The following PDE4D variants were observed in gnomAD, a reference collection of about 807,000 sequenced individuals.
PDE4D encodes phosphodiesterase 4D, also known as 3',5'-cyclic-AMP phosphodiesterase 4D.
In PDE4D, 24 loss-of-function variants were observed where a neutral mutation model predicts 87.4. The ratio of observed to expected loss-of-function variants is 0.27; its 90% confidence interval spans 0.20 to 0.39. PDE4D has a LOEUF of 0.39. PDE4D is among the 10% of genes least tolerant of loss of function. The probability of loss-of-function intolerance (pLI) is 1.00; values close to 1 mark genes in which losing one functional copy is unlikely to be tolerated. For synonymous variants in PDE4D, 384 were observed against 383.2 expected (o/e 1.00, Z -0.02); for missense variants, 714 against 1,041.0 (o/e 0.69, Z 4.32).
chr5:60,041,553 G>A (rs549646691), intron 2 of PDE4D, among the ~76,000 whole-genome samples: 3 of 152,292 alleles, frequency 2.0e-5, no homozygotes, highest in Non-Finnish European at 4.4e-5. Context: ...AGCTCCCAGC[G>A]AGACCAATGC....
At chr5:59,622,328 G>A (rs998671547) in intron 1 of PDE4D, among the ~76,000 whole-genome samples, 1 of 152,122 alleles carries the variant, frequency 6.6e-6, no homozygotes, top group Non-Finnish European at 1.5e-5. Context: ...AATTTAAAAG[G>A]TCTTAATTCT....
intron 5 of PDE4D, among the ~76,000 whole-genome samples, chr5:59,177,443 A>G (rs887934305): frequency 6.6e-6 from 1 of 152,164 alleles, no homozygotes; most frequent in Admixed American, 6.5e-5. Flanking sequence ...ATTTAAAAAG[A>G]TGTATTAAGT....
intron 3 of PDE4D, among the ~76,000 whole-genome samples, chr5:59,932,094 G>C (rs1055776544): frequency 2.6e-5 from 4 of 152,164 alleles, no homozygotes; most frequent in African/African-American, 7.2e-5. Flanking sequence ...ACTCTAAACA[G>C]CATTAAAAGG....
At chr5:59,811,393 A>C (rs1253160019) in intron 1 of PDE4D, among the ~76,000 whole-genome samples, 1 of 152,162 alleles carries the variant, frequency 6.6e-6, no homozygotes, top group Non-Finnish European at 1.5e-5. Flanking sequence ...TCTGCCACAG[A>C]TTTATTCTTT....
intron 1 of PDE4D, among the ~76,000 whole-genome samples, chr5:59,462,723 C>T (rs776064572): frequency 6.6e-6 from 1 of 152,064 alleles, no homozygotes; most frequent in Non-Finnish European, 1.5e-5. Flanking sequence ...ATCAAAGATA[C>T]GTCTTAGGAT....
At chr5:59,118,109 A>C (rs560684819) in intron 5 of PDE4D, among the ~76,000 whole-genome samples, 1 of 152,260 alleles carries the variant, frequency 6.6e-6, no homozygotes, top group South Asian at 2.1e-4. Context: ...GTGTGGTAAA[A>C]AGAGATCCTT....
chr5:60,486,838 G>C (rs1261845928), intron 1 of PDE4D, among the ~76,000 whole-genome samples: 1 of 152,044 alleles, frequency 6.6e-6, no homozygotes, highest in Admixed American at 6.6e-5. Context: ...GTCTAAAGAG[G>C]AAAAATTAGA....
chr5:59,320,955 G>T (rs1774619546), intron 1 of PDE4D, among the ~76,000 whole-genome samples: 1 of 152,012 alleles, frequency 6.6e-6, no homozygotes, highest in African/African-American at 2.4e-5. Flanking sequence ...TGATAAATTT[G>T]TTTATAGAAA....
At chr5:59,645,846 C>G (rs913984426) in intron 1 of PDE4D, among the ~76,000 whole-genome samples, 1 of 152,152 alleles carries the variant, frequency 6.6e-6, no homozygotes, top group Non-Finnish European at 1.5e-5. Flanking sequence ...TATGAAATCA[C>G]CCCCAAAAAT....
intron 1 of PDE4D, among the ~76,000 whole-genome samples, chr5:59,406,525 G>C (rs1791700159): frequency 6.6e-6 from 1 of 151,526 alleles, no homozygotes; most frequent in South Asian, 2.1e-4. Context: ...TGAGTAGCTG[G>C]GATTACAGGC....
intron 3 of PDE4D, among the ~76,000 whole-genome samples, chr5:59,187,157 T>C (rs754224611): frequency 5.9e-5 from 9 of 152,160 alleles, no homozygotes; most frequent in Non-Finnish European, 1.3e-4. Context: ...TCTATGATCA[T>C]TTGAAGGGAA....
At chr5:59,670,280 T>A (rs1232502121) in intron 1 of PDE4D, among the ~76,000 whole-genome samples, 1 of 152,214 alleles carries the variant, frequency 6.6e-6, no homozygotes, top group Non-Finnish European at 1.5e-5. Flanking sequence ...CTATTATTGT[T>A]TTGTTATTAA....
chr5:60,336,620 C>A (rs1757773348), intron 1 of PDE4D, among the ~76,000 whole-genome samples: 1 of 152,344 alleles, frequency 6.6e-6, no homozygotes, highest in East Asian at 1.9e-4. Context: ...CATGTACAAA[C>A]AAGTGAATTC....
At chr5:60,150,085 T>TCTATATACTAGTC (rs1228017384) in intron 2 of PDE4D, among the ~76,000 whole-genome samples, 3 of 149,102 alleles carry the variant, frequency 2.0e-5, no homozygotes, top group African/African-American at 7.3e-5. Context: ...TATATAGAAT[T>TCTATATACTAGTC]ATATATACTA....
chr5:59,982,161 T>C (rs192881314), intron 3 of PDE4D, among the ~76,000 whole-genome samples: 3 of 152,328 alleles, frequency 2.0e-5, no homozygotes, highest in East Asian at 3.9e-4. Context: ...TTTCATTTTC[T>C]TTTTTTATAG....
In PDE4D at chr5:59,048,064, T is replaced by C. The variant is rs148122639; in HGVS notation, c.809-9093A>G. Among the ~76,000 whole-genome samples, 487 of 152,330 alleles carry C rather than the reference T, an allele frequency of 3.2e-3. 2 individuals carry two copies. Among genetic ancestry groups the C allele is most frequent in the Non-Finnish European group, 4.5e-3 (306 of 68,028 alleles). Reference sequence around the variant, plus strand: ...AAATATCAAGGCTTTGCCATTGATATTCAGTACAGACCGTATATACCCACA... The same window carrying C: ...AAATATCAAGGCTTTGCCATTGATACTCAGTACAGACCGTATATACCCACA... On this transcript the variant is annotated intron_variant, in intron 5 of 14. Transcript: ENST00000340635.
intron 1 of PDE4D, among the ~76,000 whole-genome samples, chr5:59,239,408 G>A (rs1335633346): frequency 6.6e-6 from 1 of 152,120 alleles, no homozygotes; most frequent in Non-Finnish European, 1.5e-5. Flanking sequence ...AGGCAAGCCT[G>A]CCCAGACAGT....
At chr5:60,405,753 ATATGT>A (rs1257757138) in intron 1 of PDE4D, among the ~76,000 whole-genome samples, 1 of 152,248 alleles carries the variant, frequency 6.6e-6, no homozygotes, top group African/African-American at 2.4e-5. Flanking sequence ...GGTTATTATA[ATATGT>A]TAATCTCTAA....
chr5:60,155,369 C>T (rs1208179836), intron 2 of PDE4D, among the ~76,000 whole-genome samples: 1 of 152,004 alleles, frequency 6.6e-6, no homozygotes, highest in Admixed American at 6.6e-5. Flanking sequence ...TGCTTATTGA[C>T]TATTTGGATT....
Sources: allele counts gnomAD v4.1 joint callset (sites outside exome capture counted in the v4.1 genomes callset), GRCh38; gene constraint gnomAD v4.1.1; transcripts MANE v1.5; gene names NCBI Gene and HGNC (gene_info 2026-07-23, HGNC 2026-07-21).